The following ST8SIA6 variants were observed in gnomAD, a reference collection of about 807,000 sequenced individuals.
ST8SIA6 encodes alpha-2,8-sialyltransferase 8F.
ST8SIA6 carries 39 observed loss-of-function variants against 33.6 expected under a neutral mutation model. The ratio of observed to expected loss-of-function variants is 1.16; its 90% CI spans 0.90 to 1.52. ST8SIA6 has a LOEUF of 1.52. Ranked by LOEUF, ST8SIA6 falls within the 40% of genes most tolerant of loss-of-function variation. ST8SIA6 has a pLI of 0.00. For missense variants in ST8SIA6, 441 were observed against 443.8 expected, an observed-to-expected ratio of 0.99 and a Z score of 0.06; for synonymous variants, 172 against 167.2, an observed-to-expected ratio of 1.03 and a Z score of -0.22.
intron 4 of ST8SIA6, among the ~76,000 whole-genome samples, chr10:17,351,186 A>G (rs1007427644): frequency 6.6e-6 from 1 of 151,932 alleles, no homozygotes; most frequent in Non-Finnish European, 1.5e-5. Context: ...AGTGCAGAAG[A>G]GGCCACCTGT....
At chr10:17,356,762 T>A (rs545794122) in intron 4 of ST8SIA6, among the ~76,000 whole-genome samples, 44 of 105,370 alleles carry the variant, frequency 4.2e-4, no homozygotes, top group African/African-American at 1.7e-3. Context: ...ACTGATGCAT[T>A]TTTTTTTAAT....
rs200826980 is a variant in ST8SIA6, at chr10:17,368,407, C to CAAAAAAAAAAAAAAAAA, written c.291-8824_291-8808dup. Reference sequence around the variant, plus strand: ...GGGCAACAAGAGTGAAGCTCTGTCTCAAAAAAAAAAAAAAAAAAAAAAAAA... The same window carrying CAAAAAAAAAAAAAAAAA: ...GGGCAACAAGAGTGAAGCTCTGTCTCAAAAAAAAAAAAAAAAAAAAAAAAAAAAAAAAAAAAAAAAAA... On this transcript the variant is annotated intron_variant, in intron 3 of 7. Transcript: ENST00000377602. Among the ~76,000 whole-genome samples, 170 of 72,152 alleles carry CAAAAAAAAAAAAAAAAA rather than the reference C, an allele frequency of 2.4e-3. 10 individuals carry two copies. Among genetic ancestry groups the CAAAAAAAAAAAAAAAAA allele is most frequent in the Non-Finnish European group, 3.6e-3 (122 of 33,926 alleles). 47.3% of individuals were successfully genotyped at this position (72,152 alleles called of 152,430 possible). A position where few individuals can be genotyped will look rare whatever the true frequency, so the allele number is the denominator to read the frequency against.
chr10:17,393,738 A>C (rs1442964831), intron 2 of ST8SIA6, among the ~76,000 whole-genome samples: 1 of 152,190 alleles, frequency 6.6e-6, no homozygotes, highest in Non-Finnish European at 1.5e-5. Context: ...GAAGTGAGGG[A>C]TAGGAAGGCA....
chr10:17,394,956 A>G (rs1386084517), intron 2 of ST8SIA6, among the ~76,000 whole-genome samples: 4 of 152,334 alleles, frequency 2.6e-5, no homozygotes, highest in East Asian at 3.9e-4. Context: ...TTGTAAGCCC[A>G]GGAAGGATTA....
intron 5 of ST8SIA6, among the ~76,000 whole-genome samples, chr10:17,330,950 A>G (rs1848279504): frequency 6.6e-6 from 1 of 152,204 alleles, no homozygotes. Flanking sequence ...ACAGCAGACA[A>G]CAATCTCTAT....
intron 2 of ST8SIA6, among the ~76,000 whole-genome samples, chr10:17,449,204 A>C (rs1312029660): frequency 2.0e-5 from 3 of 152,142 alleles, no homozygotes; most frequent in African/African-American, 7.2e-5. Flanking sequence ...TCAAGTATTC[A>C]TTTCAAGATA....
intron 3 of ST8SIA6, among the ~76,000 whole-genome samples, chr10:17,387,756 A>G (rs1304419163): frequency 1.3e-5 from 2 of 152,152 alleles, no homozygotes; most frequent in Admixed American, 1.3e-4. Flanking sequence ...AAGTTAAGAG[A>G]TTTCTGCTGA....
At chr10:17,416,885 C>G (rs1321930005) in intron 2 of ST8SIA6, among the ~76,000 whole-genome samples, 1 of 152,186 alleles carries the variant, frequency 6.6e-6, no homozygotes, top group Admixed American at 6.5e-5. Flanking sequence ...TAGAATAAAA[C>G]TCATCCTCAC....
intron 6 of ST8SIA6, among the ~76,000 whole-genome samples, chr10:17,324,889 TTATATATAACATG>T (rs1411054707): frequency 6.8e-6 from 1 of 146,824 alleles, no homozygotes; most frequent in Non-Finnish European, 1.5e-5. Context: ...TATATGTATA[TTATATATAACATG>T]TATATATAAT....
At chr10:17,380,973 T>C (rs1850129522) in intron 3 of ST8SIA6, among the ~76,000 whole-genome samples, 1 of 135,518 alleles carries the variant, frequency 7.4e-6, no homozygotes, top group African/African-American at 2.7e-5. Flanking sequence ...AAGGCCTTCA[T>C]GTTTTGAGGG....
intron 4 of ST8SIA6, among the ~76,000 whole-genome samples, chr10:17,333,717 A>AGATATTTTTTT (rs1848406704): frequency 3.0e-5 from 1 of 33,754 alleles, no homozygotes; most frequent in African/African-American, 1.7e-4. Flanking sequence ...ATATATATAT[A>AGATATTTTTTT]TTTTTTTTTT....
chr10:17,454,098 CG>C lies in ST8SIA6; in HGVS notation c.101+56del, dbSNP rs1339737841. 9 of 249,752 alleles carry C rather than the reference CG, an allele frequency of 3.6e-5. No homozygotes were observed. The highest frequency in any genetic ancestry group is 5.3e-5 in the Non-Finnish European group (7 of 132,386). The allele number at this position is 249,752 out of a possible 1,614,324, so 15.5% of individuals were successfully genotyped here. A position where few individuals can be genotyped will look rare whatever the true frequency, so the allele number is the denominator to read the frequency against. On this transcript the variant is annotated intron_variant, in intron 1 of 7. Transcript: ENST00000377602. This position sits in a 1 kb window ranked among gnomAD's most constrained non-coding sequence, Gnocchi z 4.1. ...GGAAGCGATGGGCGGCTTGGGGGTC[CG>C]GGGGCGCCAGGCGGGGCGCGCGGCG... is the stretch of plus-strand genomic sequence containing the variant.
chr10:17,407,044 G>C (rs1234946290), intron 2 of ST8SIA6, among the ~76,000 whole-genome samples: 3 of 151,946 alleles, frequency 2.0e-5, no homozygotes, highest in African/African-American at 7.3e-5. Flanking sequence ...TGCCTGCCTT[G>C]GCCTCTCAAA....
At chr10:17,450,738 G>T (rs754714625) in intron 2 of ST8SIA6, among the ~76,000 whole-genome samples, 4 of 152,162 alleles carry the variant, frequency 2.6e-5, no homozygotes, top group Non-Finnish European at 4.4e-5. Flanking sequence ...CTCCGTGCTC[G>T]GCCTACTTGG....
chr10:17,371,473 A>C (rs56147526), intron 3 of ST8SIA6, among the ~76,000 whole-genome samples: 27,478 of 152,006 alleles, frequency 0.18, 2,628 homozygotes, highest in South Asian at 0.22. Context: ...AGGAGACGTG[A>C]GAAGGAATCT....
rs1336936296 is a variant in ST8SIA6 at position 17,320,259 on chromosome 10, T to C, written c.*619A>G. ...ATTAAGTGATGAAGAAATGTAGACA[T>C]AAGAGGAAAATAAATGGCTTAAATT... On this transcript the variant is annotated 3_prime_UTR_variant, in exon 8 of 8. Transcript: ENST00000377602. The C allele has an allele frequency of 6.6e-6, 1 of 152,292 alleles. No individual in the cohort carries two copies. The highest frequency in any genetic ancestry group is 2.4e-5 in the African/African-American group (1 of 41,414). The allele number at this position is 152,292 out of a possible 1,614,324, so 9.4% of individuals were successfully genotyped here.
intron 3 of ST8SIA6, among the ~76,000 whole-genome samples, chr10:17,378,865 A>G (rs137955020): frequency 0.056 from 8,578 of 152,210 alleles, 296 homozygotes; most frequent in South Asian, 0.14. Context: ...GGTGGCTCAC[A>G]CCTGTAATCC....
intron 3 of ST8SIA6, among the ~76,000 whole-genome samples, chr10:17,383,306 A>G (rs989269376): frequency 6.6e-6 from 1 of 152,202 alleles, no homozygotes; most frequent in Non-Finnish European, 1.5e-5. Context: ...TAGGTTCCCT[A>G]AAGTCCAAAA....
In ST8SIA6 at chr10:17,331,520, T is replaced by G; in HGVS notation, c.410A>C (p.Gln137Pro). Residue 137 changes from glutamine (Q) to proline (P), a missense_variant, in exon 5 of 8, where the codon CAA becomes CCA. Coordinates refer to ENST00000377602, the MANE Select transcript of ST8SIA6 (RefSeq NM_001004470.3). ...AKLASCCDAV[Q>P]NFVVSQNNTP... is the part of the protein sequence containing the mutation. Reference sequence around the variant, plus strand: ...GTTATTCTGAGAAACAACAAAGTTTTGAACAGCATCACAGCAGGAAGCAAG... The same window carrying G: ...GTTATTCTGAGAAACAACAAAGTTTGGAACAGCATCACAGCAGGAAGCAAG... The G allele has an allele frequency of 6.2e-7, 1 of 1,612,790 alleles. No individual in the cohort carries two copies. The highest frequency in any genetic ancestry group is 2.2e-5 in the East Asian group (1 of 44,854).
Sources: allele counts gnomAD v4.1 joint callset (sites outside exome capture counted in the v4.1 genomes callset), GRCh38; gene constraint gnomAD v4.1.1; non-coding constraint Gnocchi (gnomAD v3.1); transcripts MANE v1.5; gene names NCBI Gene and HGNC (gene_info 2026-07-23, HGNC 2026-07-21).